The following SLC39A12 variants were observed in gnomAD, a reference collection of about 807,000 sequenced individuals.
SLC39A12 encodes zinc transporter ZIP12.
In SLC39A12, 63 loss-of-function variants were observed where a neutral mutation model predicts 71.1. The ratio of observed to expected loss-of-function variants is 0.89; its 90% CI spans 0.72 to 1.09. SLC39A12 has a LOEUF of 1.09. SLC39A12 is among the 50% of genes least tolerant of loss of function. The pLI, the probability that SLC39A12 is intolerant of heterozygous loss-of-function variation, is 0.00. For synonymous variants in SLC39A12, 351 were observed against 301.3 expected (o/e 1.16, Z -1.71); for missense variants, 892 against 812.6 (o/e 1.10, Z -1.19).
At chr10:18,012,660 A>T (rs1273532201) in intron 12 of SLC39A12, among the ~76,000 whole-genome samples, 3 of 152,172 alleles carry the variant, frequency 2.0e-5, no homozygotes, top group African/African-American at 7.2e-5. Flanking sequence ...CGAGGTCAAG[A>T]GGTCAAGACC....
chr10:18,037,757 C>G (rs1174860525), intron 12 of SLC39A12, among the ~76,000 whole-genome samples: 1 of 152,040 alleles, frequency 6.6e-6, no homozygotes, highest in South Asian at 2.1e-4. Flanking sequence ...GGTGCAGGGG[C>G]TCACACCTGT....
rs144749874 is a variant in SLC39A12 at position 18,021,732 on chromosome 10, G to A, written c.1947+18374G>A. 2.6e-3 allele frequency among the ~76,000 whole-genome samples: 403 copies of A among 152,208 alleles called. 2 individuals carry two copies. The highest frequency in any genetic ancestry group is 9.3e-3 in the African/African-American group (386 of 41,540). On this transcript the variant is annotated intron_variant, in intron 12 of 12. Coordinates refer to ENST00000377369, the MANE Select transcript of SLC39A12 (RefSeq NM_001145195.2). Reference sequence around the variant, plus strand: ...TATAGAGTCAGTAGTCTATGTACTTGAGTGTGTTTTTGTGGTGTCAGGTAA... The same window carrying A: ...TATAGAGTCAGTAGTCTATGTACTTAAGTGTGTTTTTGTGGTGTCAGGTAA...
Position 18,042,726 on chromosome 10 carries a change from CA to C in SLC39A12, c.1972del (p.Thr658HisfsTer6). ...VEMLPEMTHVQTQRPWMMFLL... is the reference protein window; with the variant it reads ...VEMLPEMTHVXTQRPWMMFLL... ...TTAGCTTCCTGAAATGACTCATGTT[CA>C]AACACAACGACCCTGGATGATGTTT... On this transcript the variant is annotated frameshift_variant, in exon 13 of 13. Transcript: ENST00000377369. LOFTEE classifies it high-confidence loss of function. 6.2e-7 allele frequency: 1 copy of C among 1,608,732 alleles called. No individual in the cohort carries two copies.
At chr10:17,979,283 C>CTAAA (rs1244176250) in intron 5 of SLC39A12, among the ~76,000 whole-genome samples, 2 of 152,060 alleles carry the variant, frequency 1.3e-5, no homozygotes, top group Non-Finnish European at 2.9e-5. Context: ...ACTTAATGAC[C>CTAAA]TAAATGGCAC....
At chr10:18,012,795 G>A (rs1836264206) in intron 12 of SLC39A12, among the ~76,000 whole-genome samples, 2 of 151,112 alleles carry the variant, frequency 1.3e-5, no homozygotes, top group Non-Finnish European at 1.5e-5. Context: ...GAACCCAGGA[G>A]GCAGAGGTTG....
rs1835667598 is a variant in SLC39A12, at chr10:17,995,728, T to C, written c.1600+6T>C. The C allele has an allele frequency of 3.1e-6, 5 of 1,610,072 alleles. No individual in the cohort carries two copies. Among genetic ancestry groups the C allele is most frequent in the Non-Finnish European group, 2.5e-6 (3 of 1,178,588 alleles). On this transcript the variant is annotated splice_donor_region_variant and intron_variant, in intron 10 of 12. Coordinates refer to ENST00000377369, the MANE Select transcript of SLC39A12 (RefSeq NM_001145195.2). ...GACAGCCTCCAACAGAAAATGTGAG[T>C]ACCAAGCTAAACTTTACATGTGGAA...
chr10:17,979,139 G>C (rs1835191084), intron 5 of SLC39A12, among the ~76,000 whole-genome samples: 2 of 152,124 alleles, frequency 1.3e-5, no homozygotes, highest in Non-Finnish European at 2.9e-5. Context: ...AAGGAATAAA[G>C]ATGTTTTAAA....
At position 18,000,564 on chromosome 10, in the gene SLC39A12, T is replaced by C. The variant is rs149223701; in HGVS notation, c.1601-103T>C. 4.0e-5 allele frequency: 43 copies of C among 1,066,192 alleles called. No homozygotes were observed. In the East Asian group the frequency reaches 9.8e-4, roughly 24 times the overall value. The allele number at this position is 1,066,192 out of a possible 1,614,324, so 66.0% of individuals were successfully genotyped here. ...TGATGTTATTTAATCAGATGGAATA[T>C]AAGAATGTCAAGTGTAGGTGGGAAG... On this transcript the variant is annotated intron_variant, in intron 10 of 12. Transcript: ENST00000377369.
chr10:18,021,043 C>G (rs932993297), intron 12 of SLC39A12, among the ~76,000 whole-genome samples: 5 of 151,996 alleles, frequency 3.3e-5, no homozygotes, highest in African/African-American at 1.2e-4. Context: ...AAATCTTTGC[C>G]AAGACTGATA....
Position 17,953,257 on chromosome 10 carries a change from A to G in SLC39A12, c.-20A>G, listed in dbSNP as rs781933399. On this transcript the variant is annotated 5_prime_UTR_variant, in exon 2 of 13. Coordinates refer to ENST00000377369, the MANE Select transcript of SLC39A12 (RefSeq NM_001145195.2). ...ACTCACCTCCATCCAAGACAGACTCAAGGTGGAGGAAGCGTGGAAATGTGC... is the reference window on the plus strand; with the variant it reads ...ACTCACCTCCATCCAAGACAGACTCGAGGTGGAGGAAGCGTGGAAATGTGC... The G allele has an allele frequency of 6.2e-7, 1 of 1,611,166 alleles. No individual in the cohort carries two copies. The highest frequency in any genetic ancestry group is 8.5e-7 in the Non-Finnish European group (1 of 1,178,254).
At chr10:18,010,465 A>G (rs1836180399) in intron 12 of SLC39A12, 1 of 152,214 alleles carries the variant, frequency 6.6e-6, no homozygotes, top group South Asian at 2.1e-4. Context: ...AGGCAGCAAA[A>G]TTAATGTAAT....
chr10:17,969,379 G>A (rs116128987), intron 4 of SLC39A12, among the ~76,000 whole-genome samples: 2,013 of 152,168 alleles, frequency 0.013, 40 homozygotes, highest in African/African-American at 0.042. Flanking sequence ...GTTCTCCATA[G>A]GGGTCATACT....
chr10:18,006,526 G>C (rs1836023740), intron 12 of SLC39A12, among the ~76,000 whole-genome samples: 1 of 152,166 alleles, frequency 6.6e-6, no homozygotes, highest in Admixed American at 6.5e-5. Flanking sequence ...TCATTTTGGA[G>C]GTGATCCCAG....
chr10:17,976,553 G>T (rs1202730835), intron 4 of SLC39A12, among the ~76,000 whole-genome samples: 1 of 152,052 alleles, frequency 6.6e-6, no homozygotes, highest in Non-Finnish European at 1.5e-5. Flanking sequence ...GAGTAGCTTG[G>T]ATTACAGGTG....
intron 4 of SLC39A12, among the ~76,000 whole-genome samples, chr10:17,967,455 C>G (rs76182000): frequency 0.014 from 2,057 of 152,262 alleles, 39 homozygotes; most frequent in African/African-American, 0.043. Flanking sequence ...AATAGAAAAA[C>G]TTCCCCTCGT....
At chr10:18,028,272 C>T (rs1311133949) in intron 12 of SLC39A12, among the ~76,000 whole-genome samples, 3 of 152,184 alleles carry the variant, frequency 2.0e-5, no homozygotes, top group Non-Finnish European at 4.4e-5. Context: ...ATTTGAATTG[C>T]AAATTTTTAT....
chr10:18,041,823 G>GTACATACATATGTATACGTATATA (rs1564668525), intron 12 of SLC39A12, among the ~76,000 whole-genome samples: 64 of 133,638 alleles, frequency 4.8e-4, no homozygotes, highest in Admixed American at 7.5e-4. Flanking sequence ...ATACGTATAT[G>GTACATACATATGTATACGTATATA]TATGTACATA....
At chr10:17,970,707 T>C (rs1431848996) in intron 4 of SLC39A12, among the ~76,000 whole-genome samples, 1 of 148,062 alleles carries the variant, frequency 6.8e-6, no homozygotes, top group Non-Finnish European at 1.5e-5. Flanking sequence ...TGTGTGTGTG[T>C]GTGTGTGTGT....
intron 3 of SLC39A12, among the ~76,000 whole-genome samples, chr10:17,965,162 G>A (rs973100347): frequency 1.8e-4 from 27 of 151,976 alleles, no homozygotes; most frequent in African/African-American, 5.8e-4. Flanking sequence ...AGTCAAAATC[G>A]TGCCACTTTA....
Sources: gnomAD v4.1 joint callset for allele counts (sites outside exome capture counted in the v4.1 genomes callset) on GRCh38, gnomAD v4.1.1 for gene constraint, MANE v1.5 for transcripts, NCBI Gene and HGNC (gene_info 2026-07-23, HGNC 2026-07-21) for gene names.